The following CFAP92 variants were observed in gnomAD, a reference collection of about 807,000 sequenced individuals.
The protein encoded by CFAP92 is cilia and flagella associated protein 92 (putative).
A neutral mutation model predicts 106.3 loss-of-function variants in CFAP92; 86 were observed. The observed-to-expected ratio is 0.81, with a 90% CI of 0.68 to 0.97. The LOEUF (loss-of-function observed/expected upper bound fraction) is 0.97. Ranked by LOEUF, CFAP92 falls within the 50% of genes least tolerant of loss-of-function variation. CFAP92 has a pLI of 0.00. For synonymous variants in CFAP92, 477 were observed against 506.4 expected (o/e 0.94, Z 0.78); for missense variants, 1,204 against 1,283.8 (o/e 0.94, Z 0.95).
intron 4 of CFAP92, among the ~76,000 whole-genome samples, chr3:128,979,949 T>TA (rs1943417748): frequency 4.3e-5 from 2 of 46,098 alleles, no homozygotes; most frequent in Non-Finnish European, 8.7e-5. Context: ...AGTATAATAA[T>TA]ATATATATAT....
chr3:128,984,989 A>G (rs1943763291), intron 4 of CFAP92, among the ~76,000 whole-genome samples: 1 of 152,258 alleles, frequency 6.6e-6, no homozygotes, highest in South Asian at 2.1e-4. Context: ...AACAATGGCT[A>G]TCTCTGGACA....
the CFAP92 span, among the ~76,000 whole-genome samples, chr3:129,019,626 A>G: frequency 1.3e-5 from 2 of 152,186 alleles, no homozygotes; most frequent in South Asian, 4.1e-4. Flanking sequence ...GCACTGTCCA[A>G]CTGGACTTTA....
chr3:129,011,696 G>A, the CFAP92 span, among the ~76,000 whole-genome samples: 1 of 152,126 alleles, frequency 6.6e-6, no homozygotes, highest in Non-Finnish European at 1.5e-5. Flanking sequence ...CTGTCGAGGT[G>A]GCTGATCAGT....
intron 9 of CFAP92, among the ~76,000 whole-genome samples, chr3:128,950,149 C>G (rs1940639329): frequency 6.6e-6 from 1 of 152,170 alleles, no homozygotes; most frequent in African/African-American, 2.4e-5. Flanking sequence ...ATTAGGTGAC[C>G]AAATGCTCAC....
chr3:128,963,704 C>A (rs1291746278), intron 9 of CFAP92, among the ~76,000 whole-genome samples: 1 of 150,274 alleles, frequency 6.7e-6, no homozygotes, highest in Non-Finnish European at 1.5e-5. Flanking sequence ...TCGCCACACA[C>A]CAGCAAAGGC....
At chr3:129,021,458 C>T in the CFAP92 span, among the ~76,000 whole-genome samples, 1 of 152,158 alleles carries the variant, frequency 6.6e-6, no homozygotes, top group East Asian at 1.9e-4. Context: ...CCTGTAGTCC[C>T]AGCTACTGGG....
At position 128,978,041 on chromosome 3, in the gene CFAP92, T is replaced by TC. The variant is rs749996915; in HGVS notation, c.808+3dup. 29 of 1,613,792 alleles carry TC rather than the reference T, an allele frequency of 1.8e-5. No homozygotes were observed. The East Asian group carries it at 5.8e-4, about 32-fold the overall frequency. On this transcript the variant is annotated splice_donor_region_variant and intron_variant, in intron 5 of 15. Transcript: ENST00000645291. ...GCTTGTCCACAAAGGCCTTCTCCGCTCACCTTGCAAAGACTTTGGGTGTTT... is the reference window on the plus strand; with the variant it reads ...GCTTGTCCACAAAGGCCTTCTCCGCTCCACCTTGCAAAGACTTTGGGTGTTT...
At chr3:128,964,326 C>G (rs1226949887) in intron 9 of CFAP92, among the ~76,000 whole-genome samples, 1 of 151,882 alleles carries the variant, frequency 6.6e-6, no homozygotes, top group Non-Finnish European at 1.5e-5. Flanking sequence ...TGTAGATGCT[C>G]CTTTTTATTA....
chr3:128,974,787 C>T (rs1034587439), intron 7 of CFAP92, among the ~76,000 whole-genome samples: 1 of 151,658 alleles, frequency 6.6e-6, no homozygotes, highest in Non-Finnish European at 1.5e-5. Flanking sequence ...CGCCATTGCA[C>T]TCCAGCCTGG....
At chr3:129,002,342 A>AGG in intron 1 of CFAP92, 1 of 1,511,996 alleles carries the variant, frequency 6.6e-7, no homozygotes, top group Non-Finnish European at 8.8e-7. Flanking sequence ...CCGGCCACGA[A>AGG]GGGAGGGTGG....
intron 10 of CFAP92, 28 bp downstream of exon 10, chr3:128,945,043 T>C: frequency 6.8e-7 from 1 of 1,473,984 alleles, no homozygotes; most frequent in Middle Eastern, 2.0e-4. Flanking sequence ...CCATCATTTT[T>C]ATGTAAAATG....
chr3:128,974,490 C>T (rs1943015933), intron 7 of CFAP92, among the ~76,000 whole-genome samples: 1 of 152,170 alleles, frequency 6.6e-6, no homozygotes, highest in Non-Finnish European at 1.5e-5. Flanking sequence ...GAACGGATCC[C>T]ATAACACAGG....
chr3:128,975,008 T>C (rs2107788106), intron 7 of CFAP92, among the ~76,000 whole-genome samples: 1 of 151,386 alleles, frequency 6.6e-6, no homozygotes. Context: ...TAGTCCCAGC[T>C]ATTCGGGAGG....
intron 9 of CFAP92, among the ~76,000 whole-genome samples, chr3:128,953,043 T>C (rs555312420): frequency 4.0e-4 from 61 of 150,992 alleles, no homozygotes; most frequent in African/African-American, 1.5e-3. Flanking sequence ...GATGGCACCA[T>C]TGCACTGGGC....
intron 4 of CFAP92, 47 bp downstream of exon 4, chr3:128,987,569 G>A: frequency 1.3e-6 from 2 of 1,518,102 alleles, no homozygotes; most frequent in Non-Finnish European, 1.8e-6. Flanking sequence ...TGTTACTAGT[G>A]AGTAAGCCCC....
the CFAP92 span, among the ~76,000 whole-genome samples, chr3:129,016,788 G>A: frequency 6.6e-6 from 1 of 152,146 alleles, no homozygotes; most frequent in Non-Finnish European, 1.5e-5. Context: ...AGCACTCACT[G>A]GGTGTTAGGC....
Position 128,945,595 on chromosome 3 carries a change from C to T in CFAP92, c.1734G>A (p.Lys578=). The T allele has an allele frequency of 2.6e-6, 4 of 1,536,126 alleles. No individual in the cohort carries two copies. Among genetic ancestry groups the T allele is most frequent in the East Asian group, 2.4e-5 (1 of 40,914 alleles). The change falls in exon 10 of 16, where the codon AAG becomes AAA. Residue 578 remains lysine (K), a synonymous_variant. Coordinates refer to ENST00000645291, the MANE Select transcript of CFAP92 (RefSeq NM_001394090.1). ...GGATGGGGACGGCCAGATTCAAGTA[C>T]TTGTGGCCAAGGAGGAGGTCAGCAA... ...VSFADLLLGH[K]YLNLAVPIHS... is the part of the protein sequence containing the mutation.
chr3:128,935,669 G>A (rs770172408), intron 10 of CFAP92, among the ~76,000 whole-genome samples: 2 of 152,056 alleles, frequency 1.3e-5, no homozygotes, highest in Admixed American at 6.6e-5. Flanking sequence ...CCAAGATCGC[G>A]ACATTGCACT....
At chr3:129,025,559 G>A in the CFAP92 span, among the ~76,000 whole-genome samples, 9 of 152,214 alleles carry the variant, frequency 5.9e-5, no homozygotes, top group Non-Finnish European at 2.9e-5. Context: ...CTGTCAAGTA[G>A]GGCAGAGTAA....
Sources: gnomAD v4.1 joint callset for allele counts (sites outside exome capture counted in the v4.1 genomes callset) on GRCh38, gnomAD v4.1.1 for gene constraint, MANE v1.5 for transcripts, NCBI Gene and HGNC (gene_info 2026-07-23, HGNC 2026-07-21) for gene names.